FRMD3: variants seen among roughly 807,000 people sequenced by gnomAD.
FRMD3 encodes FERM domain-containing protein 3.
Under a neutral mutation model 70.2 loss-of-function variants are expected in FRMD3, and 33 were observed. That is an observed-to-expected ratio of 0.47 (90% CI 0.36 to 0.63). FRMD3 has a LOEUF of 0.63. Ranked by LOEUF, FRMD3 falls within the 20% of genes least tolerant of loss-of-function variation. The probability of loss-of-function intolerance (pLI) is 0.00; values close to 1 mark genes in which losing one functional copy is unlikely to be tolerated. For missense variants in FRMD3, 632 were observed against 711.4 expected, an observed-to-expected ratio of 0.89 and a Z score of 1.27; for synonymous variants, 279 against 255.9, an observed-to-expected ratio of 1.09 and a Z score of -0.86.
rs113905071 is a variant in FRMD3 at position 83,303,607 on chromosome 9, C to T, written c.927-4421G>A. Among the ~76,000 whole-genome samples, 119 of 152,308 alleles carry T rather than the reference C, an allele frequency of 7.8e-4. 1 individual carries two copies. Among genetic ancestry groups the T allele is most frequent in the African/African-American group, 2.7e-3 (114 of 41,574 alleles). ...TCACTGAACTAAAGCAATGTCTTAA[C>T]CCCTCAATGGCATGTTAGCAATAAC... On this transcript the variant is annotated intron_variant, in intron 10 of 13. Transcript: ENST00000304195.
the FRMD3 span, among the ~76,000 whole-genome samples, chr9:83,581,720 G>A: frequency 6.6e-6 from 1 of 152,130 alleles, no homozygotes; most frequent in Non-Finnish European, 1.5e-5. Flanking sequence ...CCAAATGTTC[G>A]TCAGCGGATT....
the FRMD3 span, among the ~76,000 whole-genome samples, chr9:83,570,202 A>G: frequency 3.9e-5 from 6 of 152,368 alleles, no homozygotes; most frequent in African/African-American, 1.4e-4. Context: ...AACAAAGCAG[A>G]TAGAGGTATC....
chr9:83,428,698 G>A (rs1031510230), intron 1 of FRMD3, among the ~76,000 whole-genome samples: 3 of 151,896 alleles, frequency 2.0e-5, no homozygotes, highest in African/African-American at 4.8e-5. Flanking sequence ...TAATCATTCC[G>A]CTGCAGTTGG....
At chr9:83,294,638 T>C (rs1834586073) in intron 12 of FRMD3, among the ~76,000 whole-genome samples, 1 of 152,238 alleles carries the variant, frequency 6.6e-6, no homozygotes, top group South Asian at 2.1e-4. Context: ...AATGTCATAT[T>C]TGCAGATGAG....
intron 1 of FRMD3, among the ~76,000 whole-genome samples, chr9:83,449,807 G>T (rs1827589114): frequency 6.6e-6 from 1 of 152,184 alleles, no homozygotes; most frequent in Admixed American, 6.5e-5. Flanking sequence ...TGGACTGAGG[G>T]TAAGGAAGGG....
chr9:83,271,783 A>G (rs1232408358), intron 13 of FRMD3, among the ~76,000 whole-genome samples: 1 of 152,200 alleles, frequency 6.6e-6, no homozygotes, highest in East Asian at 1.9e-4. Flanking sequence ...CACCTTGTAG[A>G]GTCTGGGGAA....
intron 1 of FRMD3, among the ~76,000 whole-genome samples, chr9:83,457,415 C>T (rs1055592438): frequency 6.6e-6 from 1 of 152,182 alleles, no homozygotes; most frequent in East Asian, 1.9e-4. Flanking sequence ...CACACACCCT[C>T]ATTGACCCCA....
chr9:83,405,009 T>A (rs1233605101), intron 1 of FRMD3, among the ~76,000 whole-genome samples: 3 of 152,234 alleles, frequency 2.0e-5, no homozygotes, highest in Admixed American at 6.5e-5. Context: ...AGTTCTCATG[T>A]TATCTAGAAG....
At chr9:83,434,930 G>A (rs1223079817) in intron 1 of FRMD3, among the ~76,000 whole-genome samples, 1 of 147,254 alleles carries the variant, frequency 6.8e-6, no homozygotes, top group East Asian at 2.1e-4. Flanking sequence ...GGGTTCAAGT[G>A]ATTCTCCTGC....
chr9:83,499,673 C>T (rs74873745), intron 1 of FRMD3, among the ~76,000 whole-genome samples: 2,403 of 152,310 alleles, frequency 0.016, 27 homozygotes, highest in Middle Eastern at 0.027. Flanking sequence ...GCAGCAGAAG[C>T]TTCATTCACT....
chr9:83,538,116 A>G lies in FRMD3; in HGVS notation c.116T>C (p.Leu39Pro). 2 of 1,613,424 alleles carry G rather than the reference A, an allele frequency of 1.2e-6. No individual in the cohort carries two copies. The highest frequency in any genetic ancestry group is 1.7e-4 in the Middle Eastern group (1 of 6,044). The change falls in exon 1 of 14, where the codon CTG becomes CCG. Residue 39 changes from leucine (L) to proline (P), a missense_variant. Coordinates refer to ENST00000304195, the MANE Select transcript of FRMD3 (RefSeq NM_174938.6). The surrounding 1 kb of genome is among the most constrained non-coding windows in gnomAD (Gnocchi z 4.7). ...GTGGCAGGAGATCTCCGAGTCGTCC[A>G]GCAGCCGGATGGTGCATCTCATCTC... is the stretch of plus-strand genomic sequence containing the variant. ...SQEMRCTIRLLDDSEISCHIQ... is the reference protein window; with the variant it reads ...SQEMRCTIRLPDDSEISCHIQ...
chr9:83,315,698 T>A (rs1046197943), intron 6 of FRMD3, among the ~76,000 whole-genome samples: 1 of 152,182 alleles, frequency 6.6e-6, no homozygotes, highest in Non-Finnish European at 1.5e-5. Context: ...CAATTAAACC[T>A]CTTAATTACC....
chr9:83,467,682 T>C (rs1828166011), intron 1 of FRMD3: 2 of 1,535,292 alleles, frequency 1.3e-6, no homozygotes, highest in East Asian at 4.9e-5. Flanking sequence ...TGCAGTGCCG[T>C]GATCTGCTAG....
chr9:83,357,216 TATATATATTTTATATATATATAATAC>T (rs1824380375), intron 3 of FRMD3, among the ~76,000 whole-genome samples: 1 of 26,090 alleles, frequency 3.8e-5, no homozygotes, highest in Non-Finnish European at 6.6e-5. Flanking sequence ...ATACATGGAA[TATATATATTTTATATATATATAATAC>T]ATACATATAT....
At chr9:83,327,530 G>T (rs544139117) in intron 6 of FRMD3, among the ~76,000 whole-genome samples, 1 of 152,124 alleles carries the variant, frequency 6.6e-6, no homozygotes, top group Non-Finnish European at 1.5e-5. Flanking sequence ...GCCTCCTGCC[G>T]TCAGCAAGGG....
At chr9:83,524,368 C>T (rs1829642413) in intron 1 of FRMD3, among the ~76,000 whole-genome samples, 1 of 152,198 alleles carries the variant, frequency 6.6e-6, no homozygotes, top group African/African-American at 2.4e-5. Flanking sequence ...TGACAAAATA[C>T]TCATATAACC....
intron 3 of FRMD3, among the ~76,000 whole-genome samples, chr9:83,351,953 CAT>C (rs1824177573): frequency 6.6e-6 from 1 of 152,150 alleles, no homozygotes; most frequent in South Asian, 2.1e-4. Flanking sequence ...AAAATAAGAT[CAT>C]ACTGTACATG....
intron 1 of FRMD3, among the ~76,000 whole-genome samples, chr9:83,454,234 T>G (rs7865303): frequency 0.27 from 41,133 of 152,078 alleles, 7,457 homozygotes; most frequent in African/African-American, 0.51. Context: ...TCATTCTATG[T>G]CTAAATATTA....
At chr9:83,549,337 G>C in the FRMD3 span, among the ~76,000 whole-genome samples, 1 of 151,972 alleles carries the variant, frequency 6.6e-6, no homozygotes, top group African/African-American at 2.4e-5. Context: ...TCCACATTTT[G>C]TTTATCCAGT....
Sources: allele counts gnomAD v4.1 joint callset (sites outside exome capture counted in the v4.1 genomes callset), GRCh38; gene constraint gnomAD v4.1.1; non-coding constraint Gnocchi (gnomAD v3.1); transcripts MANE v1.5; gene names NCBI Gene and HGNC (gene_info 2026-07-23, HGNC 2026-07-21).